Variants in INPP5A observed in about 807,000 individuals in gnomAD.
INPP5A encodes 43 kDa inositol polyphosphate 5-phophatase.
A neutral mutation model predicts 65.2 loss-of-function variants in INPP5A; 14 were observed. The ratio of observed to expected loss-of-function variants is 0.21; its 90% CI spans 0.14 to 0.34. INPP5A has a LOEUF of 0.34. Among genes scored for constraint, INPP5A ranks in the 10% least tolerant of loss-of-function variants. INPP5A has a pLI of 1.00. For synonymous variants in INPP5A, 207 were observed against 208.3 expected, an observed-to-expected ratio of 0.99 and a Z score of 0.05; for missense variants, 431 against 545.6, an observed-to-expected ratio of 0.79 and a Z score of 2.09.
intron 11 of INPP5A, among the ~76,000 whole-genome samples, chr10:132,750,416 A>G (rs549328429): frequency 2.0e-5 from 3 of 152,252 alleles, no homozygotes; most frequent in East Asian, 1.9e-4. Context: ...AGGTCGGTCC[A>G]CGGAGAGGTG....
chr10:132,569,737 C>A (rs1305980130), intron 1 of INPP5A, among the ~76,000 whole-genome samples: 1 of 150,792 alleles, frequency 6.6e-6, no homozygotes, highest in African/African-American at 2.4e-5. Context: ...CTCCTGACCT[C>A]AGGTGATCCA....
At chr10:132,628,466 G>A (rs1022630771) in intron 2 of INPP5A, among the ~76,000 whole-genome samples, 1 of 134,030 alleles carries the variant, frequency 7.5e-6, no homozygotes, top group Admixed American at 7.6e-5. Flanking sequence ...CTGGTGGCGG[G>A]GGGGGGGGGG....
At chr10:132,652,904 A>G (rs1384513673) in intron 4 of INPP5A, among the ~76,000 whole-genome samples, 3 of 152,140 alleles carry the variant, frequency 2.0e-5, no homozygotes, top group African/African-American at 7.2e-5. Context: ...ATCAGAGCTC[A>G]CTTAGACGCG....
Position 132,650,407 on chromosome 10 carries a change from C to A in INPP5A, c.219-11C>A. 1 of 1,606,382 alleles carries A rather than the reference C, an allele frequency of 6.2e-7. No individual in the cohort carries two copies. Among genetic ancestry groups the A allele is most frequent in the Non-Finnish European group, 8.5e-7 (1 of 1,172,980 alleles). On this transcript the variant is annotated splice_polypyrimidine_tract_variant and intron_variant, in intron 3 of 15. Coordinates refer to ENST00000368594, the MANE Select transcript of INPP5A (RefSeq NM_005539.5). The surrounding 1 kb of genome is among the most constrained non-coding windows in gnomAD (Gnocchi z 5.5). ...TGGCTTTTCCTCAGGAACCTACTTT[C>A]TTCCTTCCAGAGAACTATTGTCGAG...
intron 9 of INPP5A, among the ~76,000 whole-genome samples, chr10:132,736,225 C>A (rs928660652): frequency 2.0e-5 from 3 of 152,224 alleles, no homozygotes; most frequent in African/African-American, 4.8e-5. Context: ...TGTTTCCTGC[C>A]TCGCGCGGTG....
Position 132,749,811 on chromosome 10 carries a change from A to G in INPP5A, c.869A>G (p.Asn290Ser). Residue 290 changes from asparagine (N) to serine (S), a missense_variant, in exon 11 of 16, where the codon AAC becomes AGC. By Grantham distance (46) the Asn-to-Ser change is conservative (BLOSUM62 1). Transcript: ENST00000368594. ...QLEKKLFDYF[N>S]QEVFRDNNGT... ...GAAAAGAAACTCTTCGACTACTTCAACCAGGAGGTTTTCCGAGACAACAAC... is the reference window on the plus strand; with the variant it reads ...GAAAAGAAACTCTTCGACTACTTCAGCCAGGAGGTTTTCCGAGACAACAAC... The G allele has an allele frequency of 6.2e-7, 1 of 1,613,252 alleles. No homozygotes were observed. Among genetic ancestry groups the G allele is most frequent in the Non-Finnish European group, 8.5e-7 (1 of 1,179,992 alleles).
chr10:132,764,469 ACGGT>A (rs1453006005), intron 11 of INPP5A, among the ~76,000 whole-genome samples: 14 of 145,252 alleles, frequency 9.6e-5, no homozygotes, highest in Non-Finnish European at 1.5e-4. Context: ...ACTCAGAAAC[ACGGT>A]CGGGTCAGTC....
chr10:132,694,754 A>G (rs1845319641), intron 5 of INPP5A, among the ~76,000 whole-genome samples: 1 of 152,212 alleles, frequency 6.6e-6, no homozygotes, highest in South Asian at 2.1e-4. Flanking sequence ...ATAATAAAAG[A>G]ATATCATTAA....
intron 13 of INPP5A, 196 bp downstream of exon 13, chr10:132,777,978 G>A: frequency 7.2e-7 from 1 of 1,391,466 alleles, no homozygotes; most frequent in African/African-American, 1.4e-5. Flanking sequence ...CTGGGCTGGG[G>A]CAGCAGCAGA....
intron 6 of INPP5A, 42 bp from the exon 7 acceptor site, chr10:132,708,271 T>G: frequency 6.3e-7 from 1 of 1,599,456 alleles, no homozygotes. Context: ...TTGCTCTTGC[T>G]CACTTACTCT....
chr10:132,740,459 A>C (rs934045156), intron 9 of INPP5A, among the ~76,000 whole-genome samples: 4 of 152,184 alleles, frequency 2.6e-5, no homozygotes, highest in Non-Finnish European at 4.4e-5. Flanking sequence ...ATTCACGTTC[A>C]CCATGACTAG....
chr10:132,749,464 C>A (rs1846431716), intron 9 of INPP5A, 53 bp from the exon 10 acceptor site: 2 of 1,517,168 alleles, frequency 1.3e-6, no homozygotes, highest in Admixed American at 3.4e-5. Context: ...GGTGACGCTG[C>A]CATGGGCAGG....
intron 2 of INPP5A, among the ~76,000 whole-genome samples, chr10:132,628,465 G>GGC (rs1554937162): frequency 1.8e-5 from 1 of 56,200 alleles, no homozygotes; most frequent in Non-Finnish European, 3.6e-5. Context: ...TCTGGTGGCG[G>GGC]GGGGGGGGGG....
chr10:132,765,769 T>G lies in INPP5A; in HGVS notation c.904-4T>G. 1.3e-6 allele frequency: 2 copies of G among 1,582,478 alleles called. No individual in the cohort carries two copies. Among genetic ancestry groups the G allele is most frequent in the Non-Finnish European group, 1.7e-6 (2 of 1,151,140 alleles). On this transcript the variant is annotated splice_region_variant and splice_polypyrimidine_tract_variant and intron_variant, in intron 11 of 15. Transcript: ENST00000368594. ...CTTTATTTTCTGCTCTTTCTTTTCT[T>G]TAGCTCTTGGAGTTTGACAAGGAGT...
rs747558385 is a variant in INPP5A at position 132,753,551 on chromosome 10, T to G, written c.903+3706T>G. ...GATTTATAGCTTTGTTTAGTCGATA[T>G]TCCCATCGAAATTGTATAATTAATT... On this transcript the variant is annotated intron_variant, in intron 11 of 15. Transcript: ENST00000368594. The surrounding 1 kb of genome is among the most constrained non-coding windows in gnomAD (Gnocchi z 5.3). 3.3e-5 allele frequency among the ~76,000 whole-genome samples: 5 copies of G among 152,218 alleles called. No homozygotes were observed. Among genetic ancestry groups the G allele is most frequent in the Non-Finnish European group, 5.9e-5 (4 of 68,044 alleles).
In INPP5A at chr10:132,551,644, C is replaced by T. The variant is rs762595777; in HGVS notation, c.75+13473C>T. ...TGTTGCAACTTCCTGTTTGCTGTAA[C>T]GGCTGTGCCTCCCTCGCTGCTGCAG... On this transcript the variant is annotated intron_variant, in intron 1 of 15. Transcript: ENST00000368594. This position sits in a 1 kb window ranked among gnomAD's most constrained non-coding sequence, Gnocchi z 5.3. 7.2e-5 allele frequency among the ~76,000 whole-genome samples: 11 copies of T among 152,310 alleles called. No homozygotes were observed. Among genetic ancestry groups the T allele is most frequent in the Middle Eastern group, 3.4e-3 (1 of 294 alleles).
chr10:132,597,934 C>G (rs938419935), intron 1 of INPP5A, among the ~76,000 whole-genome samples: 1 of 151,924 alleles, frequency 6.6e-6, no homozygotes, highest in Non-Finnish European at 1.5e-5. Flanking sequence ...TCCTGCGGGG[C>G]TGTGCTACGC....
Position 132,780,941 on chromosome 10 carries a change from G to C in INPP5A, c.1158+24G>C, listed in dbSNP as rs191572885. The C allele has an allele frequency of 1.1e-4, 165 of 1,503,736 alleles. No homozygotes were observed. In the African/African-American group the frequency reaches 1.5e-3, roughly 14 times the overall value. The allele number at this position is 1,503,736 out of a possible 1,614,324, so 93.1% of individuals were successfully genotyped here. On this transcript the variant is annotated intron_variant, in intron 14 of 15. Coordinates refer to ENST00000368594, the MANE Select transcript of INPP5A (RefSeq NM_005539.5). Reference sequence around the variant, plus strand: ...AGGTGACATAGACTGAGGTCCAGGGGCCAGGCTGGGGGACCAAGGGGAAGC... The same window carrying C: ...AGGTGACATAGACTGAGGTCCAGGGCCCAGGCTGGGGGACCAAGGGGAAGC...
chr10:132,538,023 C>T lies in INPP5A; in HGVS notation c.-74C>T. ...TGACGCCCCGCGGCCCCGCGAAGAC[C>T]CCGGCCGGCCGGTCCCGGAGGAAGC... On this transcript the variant is annotated 5_prime_UTR_variant, in exon 1 of 16. Transcript: ENST00000368594. This position sits in a 1 kb window ranked among gnomAD's most constrained non-coding sequence, Gnocchi z 4.1. 1.3e-6 allele frequency: 1 copy of T among 751,542 alleles called. No individual in the cohort carries two copies. The highest frequency in any genetic ancestry group is 1.6e-6 in the Non-Finnish European group (1 of 617,204). 46.6% of individuals were successfully genotyped at this position (751,542 alleles called of 1,614,324 possible).
Sources: allele counts gnomAD v4.1 joint callset (sites outside exome capture counted in the v4.1 genomes callset), GRCh38; gene constraint gnomAD v4.1.1; non-coding constraint Gnocchi (gnomAD v3.1); transcripts MANE v1.5; gene names NCBI Gene and HGNC (gene_info 2026-07-23, HGNC 2026-07-21).